The following SLC24A2 variants were observed in gnomAD, a reference collection of about 807,000 sequenced individuals.
The protein encoded by SLC24A2 is sodium/potassium/calcium exchanger 2.
SLC24A2 carries 36 observed loss-of-function variants against 62.0 expected under a neutral mutation model. The ratio of observed to expected loss-of-function variants is 0.58; its 90% CI spans 0.44 to 0.77. The LOEUF is 0.77. SLC24A2 is among the 30% of genes least tolerant of loss of function. SLC24A2 has a pLI of 0.00. For synonymous variants in SLC24A2, 358 were observed against 294.0 expected (o/e 1.22, Z -2.23); for missense variants, 846 against 817.9 (o/e 1.03, Z -0.42).
intron 5 of SLC24A2, among the ~76,000 whole-genome samples, chr9:19,592,834 T>C (rs947594840): frequency 1.3e-4 from 20 of 152,206 alleles, no homozygotes; most frequent in African/African-American, 4.8e-4. Context: ...AAGTTGGAGA[T>C]TGCTCTTCCA....
At chr9:19,545,783 C>A (rs1169288774) in intron 8 of SLC24A2, among the ~76,000 whole-genome samples, 3 of 152,132 alleles carry the variant, frequency 2.0e-5, no homozygotes, top group African/African-American at 7.2e-5. Context: ...GGACTACAGG[C>A]ACCCACCACC....
At chr9:19,942,400 C>T in the SLC24A2 span, among the ~76,000 whole-genome samples, 4 of 152,240 alleles carry the variant, frequency 2.6e-5, no homozygotes, top group Admixed American at 2.6e-4. Context: ...TCCAAGGTCA[C>T]ATGGAGAATC....
chr9:20,183,387 C>T, the SLC24A2 span, among the ~76,000 whole-genome samples: 1 of 152,186 alleles, frequency 6.6e-6, no homozygotes, highest in African/African-American at 2.4e-5. Context: ...CTCAAAACTG[C>T]TTTCTACAGA....
At chr9:19,973,494 T>C in the SLC24A2 span, among the ~76,000 whole-genome samples, 1 of 152,250 alleles carries the variant, frequency 6.6e-6, no homozygotes, top group African/African-American at 2.4e-5. Context: ...CAAGGAGTAG[T>C]AGATAGACGT....
At chr9:19,911,859 A>T in the SLC24A2 span, among the ~76,000 whole-genome samples, 3 of 152,198 alleles carry the variant, frequency 2.0e-5, no homozygotes, top group Non-Finnish European at 4.4e-5. Context: ...TTCCATTTAC[A>T]CTAAAATCAG....
rs1488066132 is a variant in SLC24A2 at position 19,550,257 on chromosome 9, C to A, written c.1359G>T (p.Glu453Asp). The A allele has an allele frequency of 2.5e-6, 4 of 1,613,960 alleles. No individual in the cohort carries two copies. Among genetic ancestry groups the A allele is most frequent in the Admixed American group, 3.3e-5 (2 of 59,994 alleles). ...CAAGGCTGAGAGGCTGGTCCTCCTC[C>A]TCATCAGCGGTCTGTGGTAGAAAAA... ...IEGAEAQTAD[E>D]EEDQPLSLAW... Residue 453 changes from glutamate to aspartate, a missense_variant, in exon 8 of 11, where the codon GAG becomes GAT. Physicochemically the swap from Glu to Asp is conservative, Grantham distance 45. Coordinates refer to ENST00000341998, the MANE Select transcript of SLC24A2 (RefSeq NM_020344.4).
the SLC24A2 span, among the ~76,000 whole-genome samples, chr9:19,961,511 G>C: frequency 6.6e-6 from 1 of 152,158 alleles, no homozygotes; most frequent in Non-Finnish European, 1.5e-5. Context: ...TTCATCCTTT[G>C]GAGGTTAGCT....
chr9:19,699,610 C>A (rs1341787519), intron 2 of SLC24A2, among the ~76,000 whole-genome samples: 1 of 152,074 alleles, frequency 6.6e-6, no homozygotes, highest in African/African-American at 2.4e-5. Flanking sequence ...ATATGACATG[C>A]ATTTTCTAAA....
the SLC24A2 span, among the ~76,000 whole-genome samples, chr9:20,034,763 C>T: frequency 1.3e-5 from 2 of 152,102 alleles, no homozygotes; most frequent in Non-Finnish European, 2.9e-5. Context: ...CCACCGCGCC[C>T]GGCCTGCCTT....
At chr9:19,755,713 C>T (rs897349559) in intron 2 of SLC24A2, among the ~76,000 whole-genome samples, 19 of 152,200 alleles carry the variant, frequency 1.2e-4, no homozygotes, top group Non-Finnish European at 2.5e-4. Context: ...AAGTCCACTA[C>T]GATGCCATAA....
chr9:19,961,031 T>TGTGC, the SLC24A2 span, among the ~76,000 whole-genome samples: 1 of 145,738 alleles, frequency 6.9e-6, no homozygotes, highest in African/African-American at 2.7e-5. Flanking sequence ...TGGGTGTGTG[T>TGTGC]GTGTGTGTGT....
At chr9:20,019,060 T>C in the SLC24A2 span, among the ~76,000 whole-genome samples, 1 of 130,858 alleles carries the variant, frequency 7.6e-6, no homozygotes, top group Non-Finnish European at 1.6e-5. Context: ...GGAGACTCTG[T>C]CAAAGAAAGA....
chr9:20,125,566 T>C, the SLC24A2 span, among the ~76,000 whole-genome samples: 2 of 152,290 alleles, frequency 1.3e-5, no homozygotes, highest in East Asian at 3.9e-4. Context: ...CAGTACTCCC[T>C]TAGCTGCCCC....
At chr9:19,714,191 T>C (rs779724587) in intron 2 of SLC24A2, among the ~76,000 whole-genome samples, 13 of 152,118 alleles carry the variant, frequency 8.5e-5, no homozygotes, top group Non-Finnish European at 1.6e-4. Flanking sequence ...GAACTCTGCG[T>C]GTGTGTGTGA....
chr9:20,292,540 T>G, the SLC24A2 span, among the ~76,000 whole-genome samples: 1 of 152,236 alleles, frequency 6.6e-6, no homozygotes, highest in Admixed American at 6.5e-5. Flanking sequence ...CTGGGGCTGC[T>G]GTAACAAAGT....
At chr9:19,545,675 G>A (rs907347458) in intron 8 of SLC24A2, among the ~76,000 whole-genome samples, 4 of 149,876 alleles carry the variant, frequency 2.7e-5, no homozygotes, top group African/African-American at 7.4e-5. Flanking sequence ...GTCTCATTCT[G>A]TTGCTTACGC....
At chr9:19,659,833 G>C (rs1471255976) in intron 2 of SLC24A2, among the ~76,000 whole-genome samples, 2 of 152,108 alleles carry the variant, frequency 1.3e-5, no homozygotes, top group African/African-American at 4.8e-5. Context: ...ACAAGGGTCA[G>C]GATTTTAAAC....
At chr9:19,816,954 C>T in the SLC24A2 span, among the ~76,000 whole-genome samples, 1 of 152,106 alleles carries the variant, frequency 6.6e-6, no homozygotes, top group African/African-American at 2.4e-5. Flanking sequence ...CTCTGCCACT[C>T]CATGATGTAC....
the SLC24A2 span, among the ~76,000 whole-genome samples, chr9:20,133,037 T>G: frequency 2.6e-5 from 4 of 152,098 alleles, no homozygotes; most frequent in African/African-American, 4.8e-5. Context: ...ATGAAGAGAT[T>G]TGAATCCTTA....
Sources: allele counts gnomAD v4.1 joint callset (sites outside exome capture counted in the v4.1 genomes callset), GRCh38; gene constraint gnomAD v4.1.1; transcripts MANE v1.5; gene names NCBI Gene and HGNC (gene_info 2026-07-23, HGNC 2026-07-21).